Variants in EIF4ENIF1 observed in about 807,000 individuals in gnomAD.
EIF4ENIF1 encodes eukaryotic translation initiation factor 4E transporter.
Under a neutral mutation model 110.5 loss-of-function variants are expected in EIF4ENIF1, and 23 were observed. The observed-to-expected ratio is 0.21, with a 90% CI of 0.15 to 0.29. EIF4ENIF1 has a LOEUF of 0.29. EIF4ENIF1 is among the 10% of genes least tolerant of loss of function. The pLI is 1.00. For missense variants in EIF4ENIF1, 1,031 were observed against 1,221.1 expected, an observed-to-expected ratio of 0.84 and a Z score of 2.32; for synonymous variants, 440 against 437.0, an observed-to-expected ratio of 1.01 and a Z score of -0.09.
At chr22:31,481,501 A>G (rs2051815779) in intron 2 of EIF4ENIF1, among the ~76,000 whole-genome samples, 2 of 152,206 alleles carry the variant, frequency 1.3e-5, no homozygotes, top group South Asian at 4.1e-4. Context: ...TTATACCTAA[A>G]TTTGTCACAG....
At position 31,463,965 on chromosome 22, in the gene EIF4ENIF1, G is replaced by T. The variant is rs778789278; in HGVS notation, c.301C>A (p.Pro101Thr). The T allele has an allele frequency of 1.2e-6, 2 of 1,610,026 alleles. No homozygotes were observed. The highest frequency in any genetic ancestry group is 2.2e-5 in the East Asian group (1 of 44,840). Residue 101 changes from proline to threonine, a missense_variant and splice_region_variant, in exon 5 of 19, where the codon CCA (proline) becomes ACA (threonine). Pro to Thr is a conservative substitution (Grantham distance 38). Around this residue, in one of 3 missense-constraint regions of EIF4ENIF1, gnomAD observed 704 missense variants for 879.7 expected, o/e 0.80. Coordinates refer to ENST00000330125, the MANE Select transcript of EIF4ENIF1 (RefSeq NM_019843.4). ...RPSLVRRIVDPRERVKEDDLD... is the reference protein window; with the variant it reads ...RPSLVRRIVDTRERVKEDDLD... ...TCATCTTCTTTCACACGCTCTCGTG[G>T]ATCTGGAAGGACGTGGGAAAGACAA...
At chr22:31,491,522 T>TTA (rs2146136257), upstream of EIF4ENIF1, among the ~76,000 whole-genome samples, 1 of 152,236 alleles carries the variant, frequency 6.6e-6, no homozygotes, top group African/African-American at 2.4e-5. Flanking sequence ...TATACCTACT[T>TTA]TTTAGGCTTG....
chr22:31,489,889 A>T (rs1367865222), upstream of EIF4ENIF1: 1 of 148,900 alleles, frequency 6.7e-6, no homozygotes, highest in Non-Finnish European at 1.5e-5. Context: ...CCCCCTTAAT[A>T]ACTCCCTCCA....
At chr22:31,466,826 G>A (rs918023260) in intron 4 of EIF4ENIF1, among the ~76,000 whole-genome samples, 1 of 152,050 alleles carries the variant, frequency 6.6e-6, no homozygotes, top group Non-Finnish European at 1.5e-5. Context: ...GGTGTAGGAA[G>A]AACAAACATG....
At chr22:31,440,371 A>C (rs1569059197) in intron 18 of EIF4ENIF1, among the ~76,000 whole-genome samples, 3 of 152,148 alleles carry the variant, frequency 2.0e-5, no homozygotes, top group East Asian at 3.8e-4. Flanking sequence ...CTAAGTAACC[A>C]CATCACAGAA....
chr22:31,479,030 T>G (rs1005828986), intron 2 of EIF4ENIF1, among the ~76,000 whole-genome samples: 1 of 138,618 alleles, frequency 7.2e-6, no homozygotes, highest in Admixed American at 7.4e-5. Context: ...GTGCCACACA[T>G]AGACAGATGA....
intron 14 of EIF4ENIF1, 36 bp downstream of exon 14, chr22:31,447,390 C>T: frequency 6.2e-7 from 1 of 1,604,546 alleles, no homozygotes; most frequent in Non-Finnish European, 8.5e-7. Flanking sequence ...GAAAACTTAT[C>T]CGTAAATCTC....
chr22:31,470,285 G>C (rs934532916), intron 3 of EIF4ENIF1, among the ~76,000 whole-genome samples: 4 of 150,468 alleles, frequency 2.7e-5, no homozygotes, highest in Non-Finnish European at 5.9e-5. Context: ...TGTTGTTGTT[G>C]TTTTGTTTTT....
chr22:31,460,803 G>T (rs1464591612), intron 6 of EIF4ENIF1, among the ~76,000 whole-genome samples: 1 of 151,824 alleles, frequency 6.6e-6, no homozygotes, highest in Non-Finnish European at 1.5e-5. Context: ...AAATTTAGCT[G>T]GGCGTGGTGG....
chr22:31,441,925 A>T lies in EIF4ENIF1; in HGVS notation c.2400T>A (p.Pro800=), dbSNP rs1187766290. The change falls in exon 17 of 19, where the codon CCT becomes CCA. Residue 800 remains proline (P), a synonymous_variant. Transcript: ENST00000330125. The stretch of plus-strand genomic sequence containing the variant: ...GGACAGGGCGGAGAAAAGGTGTTGT[A>T]GGAACTGGGGATGCCAAGGTGGGTG... ...RKTPTLASPV[P]TTPFLRPVHQ... The T allele has an allele frequency of 2.5e-6, 4 of 1,614,070 alleles. No individual in the cohort carries two copies. The African/African-American group carries it at 4.0e-5, about 16-fold the overall frequency.
At position 31,463,955 on chromosome 22, in the gene EIF4ENIF1, C is replaced by T. The variant is rs766746036; in HGVS notation, c.311G>A (p.Arg104His). 1.9e-6 allele frequency: 3 copies of T among 1,612,142 alleles called. No individual in the cohort carries two copies. The highest frequency in any genetic ancestry group is 1.1e-5 in the South Asian group (1 of 91,068). Residue 104 changes from arginine (R) to histidine (H), a missense_variant, in exon 5 of 19, where the codon CGT becomes CAT. Around this residue, in one of 3 missense-constraint regions of EIF4ENIF1, gnomAD observed 704 missense variants for 879.7 expected, o/e 0.80. Coordinates refer to ENST00000330125, the MANE Select transcript of EIF4ENIF1 (RefSeq NM_019843.4). Reference sequence around the variant, plus strand: ...AACATCTAAGTCATCTTCTTTCACACGCTCTCGTGGATCTGGAAGGACGTG... The same window carrying T: ...AACATCTAAGTCATCTTCTTTCACATGCTCTCGTGGATCTGGAAGGACGTG... ...LVRRIVDPRE[R>H]VKEDDLDVVL...
intron 10 of EIF4ENIF1, chr22:31,451,148 T>G (rs1188677071): frequency 1.3e-5 from 2 of 152,328 alleles, no homozygotes; most frequent in Admixed American, 1.3e-4. Context: ...CCCAAAGTGC[T>G]GGCTAAATTA....
At chr22:31,438,343 T>C (rs1051779476), downstream of EIF4ENIF1, among the ~76,000 whole-genome samples, 9 of 152,222 alleles carry the variant, frequency 5.9e-5, no homozygotes, top group African/African-American at 2.2e-4. Flanking sequence ...ATGTATATAC[T>C]AATAGTTAAG....
chr22:31,442,617 A>AT (rs1227753663), intron 16 of EIF4ENIF1, among the ~76,000 whole-genome samples: 4 of 152,372 alleles, frequency 2.6e-5, no homozygotes, highest in African/African-American at 4.8e-5. Flanking sequence ...CAGGCTGGAC[A>AT]TAATCTTTCA....
At chr22:31,439,346 A>C (rs1322782661), downstream of EIF4ENIF1, 1 of 153,632 alleles carries the variant, frequency 6.5e-6, no homozygotes, top group Non-Finnish European at 1.5e-5. Context: ...GAGAGGAAAT[A>C]AACACAACAA....
Position 31,442,102 on chromosome 22 carries a change from G to A in EIF4ENIF1, c.2223C>T (p.Ser741=), listed in dbSNP as rs2050320461. The change falls in exon 17 of 19, where the codon TCC becomes TCT. Residue 741 remains serine, a synonymous_variant. Coordinates refer to ENST00000330125, the MANE Select transcript of EIF4ENIF1 (RefSeq NM_019843.4). ...QKASEENLLS[S]SSVPSADRDS... ...CTCGATCGGCACTGGGTACAGAGCT[G>A]GATGACAGGAGGTTTTCTGTGAGGA... The A allele has an allele frequency of 1.2e-6, 2 of 1,603,962 alleles. No homozygotes were observed. The highest frequency in any genetic ancestry group is 1.7e-6 in the Non-Finnish European group (2 of 1,173,392).
Position 31,441,966 on chromosome 22 carries a change from C to G in EIF4ENIF1, c.2359G>C (p.Ala787Pro), listed in dbSNP as rs764984602. The change falls in exon 17 of 19, where the codon GCA becomes CCA. Residue 787 changes from alanine to proline, a missense_variant. Transcript: ENST00000330125. ...YTKEQDYRPK[A>P]TGRKTPTLAS... ...AAGGTGGGTGTTTTTCTCCCAGTTGCTTTAGGTCGATAATCTTGTTCTTTG... is the reference window on the plus strand; with the variant it reads ...AAGGTGGGTGTTTTTCTCCCAGTTGGTTTAGGTCGATAATCTTGTTCTTTG... The G allele has an allele frequency of 1.2e-6, 2 of 1,614,008 alleles. No individual in the cohort carries two copies. The highest frequency in any genetic ancestry group is 1.7e-6 in the Non-Finnish European group (2 of 1,180,046).
At position 31,464,711 on chromosome 22, in the gene EIF4ENIF1, TA is replaced by T. The variant is rs1569088825; in HGVS notation, c.299-745del. Among the ~76,000 whole-genome samples, 39 of 77,560 alleles carry T rather than the reference TA, an allele frequency of 5.0e-4. 1 individual carries two copies. The highest frequency in any genetic ancestry group is 8.7e-4 in the Non-Finnish European group (33 of 38,068). 50.9% of individuals were successfully genotyped at this position (77,560 alleles called of 152,430 possible). ...AAAAAAAAAAAAAAATATATATATA[TA>T]TATATATATATATAAACAGATATAT... On this transcript the variant is annotated intron_variant, in intron 4 of 18. Transcript: ENST00000330125.
chr22:31,458,630 C>T lies in EIF4ENIF1; in HGVS notation c.808G>A (p.Gly270Arg). Reference protein sequence around the residue: ...VKEGIVECNGGVAEEDEVEVI... With the variant: ...VKEGIVECNGRVAEEDEVEVI... ...TCCACTTCATCCTCTTCGGCCACTCCTCCATTGCACTCTACTATACCTGAA... is the reference window on the plus strand; with the variant it reads ...TCCACTTCATCCTCTTCGGCCACTCTTCCATTGCACTCTACTATACCTGAA... The change falls in exon 7 of 19, where the codon GGA becomes AGA. Residue 270 changes from glycine to arginine, a missense_variant. Physicochemically the swap from Gly to Arg is moderately radical, Grantham distance 125 (BLOSUM62 -2). Transcript: ENST00000330125. 1 of 1,605,372 alleles carries T rather than the reference C, an allele frequency of 6.2e-7. No individual in the cohort carries two copies. The highest frequency in any genetic ancestry group is 8.5e-7 in the Non-Finnish European group (1 of 1,175,758).
Sources: allele counts gnomAD v4.1 joint callset (sites outside exome capture counted in the v4.1 genomes callset), GRCh38; gene constraint gnomAD v4.1.1; regional missense constraint gnomAD v4.1.1; transcripts MANE v1.5; gene names NCBI Gene and HGNC (gene_info 2026-07-23, HGNC 2026-07-21).